Variants in MAP3K1 observed in about 807,000 individuals in gnomAD.
MAP3K1 encodes the protein MAP/ERK kinase kinase 1.
Under a neutral mutation model 144.2 loss-of-function variants are expected in MAP3K1, and 36 were observed. The observed-to-expected ratio is 0.25, with a 90% CI of 0.19 to 0.33. The LOEUF is 0.33. MAP3K1 is among the 10% of genes least tolerant of loss of function. MAP3K1 has a pLI of 1.00. For synonymous variants in MAP3K1, 718 were observed against 688.7 expected (o/e 1.04, Z -0.67); for missense variants, 1,650 against 1,881.9 (o/e 0.88, Z 2.28).
At chr5:56,857,690 T>C (rs1324063141) in intron 2 of MAP3K1, among the ~76,000 whole-genome samples, 3 of 152,226 alleles carry the variant, frequency 2.0e-5, no homozygotes, top group Non-Finnish European at 4.4e-5. Flanking sequence ...AGTAACCACA[T>C]GTGGCCAATG....
At chr5:56,819,367 G>A (rs748957656) in intron 1 of MAP3K1, among the ~76,000 whole-genome samples, 2 of 152,232 alleles carry the variant, frequency 1.3e-5, no homozygotes, top group Non-Finnish European at 1.5e-5. Context: ...TTTAGAAATG[G>A]CCACTGACTT....
chr5:56,843,696 C>G (rs556553975), intron 1 of MAP3K1, among the ~76,000 whole-genome samples: 1 of 152,274 alleles, frequency 6.6e-6, no homozygotes, highest in Admixed American at 6.5e-5. Context: ...GCCCCCTTCT[C>G]TTAGGGTGGG....
At chr5:56,845,030 C>T (rs1438171102) in intron 1 of MAP3K1, among the ~76,000 whole-genome samples, 10 of 152,162 alleles carry the variant, frequency 6.6e-5, no homozygotes, top group South Asian at 4.1e-4. Context: ...TATGCTAATT[C>T]GGGGTTATCC....
Position 56,820,845 on chromosome 5 carries a change from A to G in MAP3K1, c.482+4790A>G, listed in dbSNP as rs528375895. The G allele has an allele frequency of 3.1e-5, 30 of 965,066 alleles. No homozygotes were observed. The African/African-American group carries it at 3.7e-4, about 12-fold the overall frequency. The allele number at this position is 965,066 out of a possible 1,614,324, so 59.8% of individuals were successfully genotyped here. On this transcript the variant is annotated intron_variant, in intron 1 of 19. Coordinates refer to ENST00000399503, the MANE Select transcript of MAP3K1 (RefSeq NM_005921.2). ...GGTTGTAGTATGAACATGTTTCACA[A>G]TACCGTGTTAAGTGCTATAAGAGAG...
At chr5:56,889,684 A>G (rs1342852769) in intron 19 of MAP3K1, among the ~76,000 whole-genome samples, 3 of 152,210 alleles carry the variant, frequency 2.0e-5, no homozygotes, top group Non-Finnish European at 4.4e-5. Flanking sequence ...CTTAATGGCC[A>G]TGTAATCATA....
chr5:56,840,519 AATATTTTAGCAAT>A (rs1490287291), intron 1 of MAP3K1, among the ~76,000 whole-genome samples: 1 of 152,220 alleles, frequency 6.6e-6, no homozygotes, highest in Admixed American at 6.5e-5. Flanking sequence ...AAAACTTGTA[AATATTTTAGCAAT>A]AACTGTGTTT....
At chr5:56,866,048 C>G in intron 6 of MAP3K1, 71 bp downstream of exon 6, 1 of 1,182,914 alleles carries the variant, frequency 8.5e-7, no homozygotes, top group South Asian at 1.2e-5. Context: ...TTTTTTATAT[C>G]TACTTGTTAA....
chr5:56,884,429 CTA>C (rs1470201146), intron 15 of MAP3K1, among the ~76,000 whole-genome samples: 33 of 152,290 alleles, frequency 2.2e-4, no homozygotes, highest in African/African-American at 7.7e-4. Flanking sequence ...TACTCTGAGA[CTA>C]TTGGAATATT....
intron 1 of MAP3K1, chr5:56,820,758 A>G (rs1746130133): frequency 4.1e-6 from 4 of 985,434 alleles, no homozygotes; most frequent in Non-Finnish European, 4.8e-6. Flanking sequence ...GAACTTCTGC[A>G]AGGTGGTGGT....
chr5:56,858,186 A>G (rs1579751958), intron 2 of MAP3K1, among the ~76,000 whole-genome samples: 1 of 152,260 alleles, frequency 6.6e-6, no homozygotes, highest in African/African-American at 2.4e-5. Flanking sequence ...AAGCAGAGCC[A>G]TCTGAAGTTT....
chr5:56,852,132 A>G (rs2111848508), intron 1 of MAP3K1: 2 of 151,960 alleles, frequency 1.3e-5, no homozygotes, highest in Middle Eastern at 6.8e-3. Flanking sequence ...ATATCATGGT[A>G]TATTTATGAA....
At chr5:56,887,804 A>G (rs1034662489) in intron 18 of MAP3K1, 16 of 480,178 alleles carry the variant, frequency 3.3e-5, no homozygotes, top group African/African-American at 2.7e-4. Context: ...CTCAAAGTGC[A>G]CATAAGAAAT....
intron 1 of MAP3K1, among the ~76,000 whole-genome samples, chr5:56,834,907 A>G (rs1265144767): frequency 2.0e-5 from 3 of 152,124 alleles, no homozygotes; most frequent in Non-Finnish European, 4.4e-5. Context: ...AATTTTAGAT[A>G]TTATTATAAT....
In MAP3K1 at chr5:56,864,949, C is replaced by T. The variant is rs747105154; in HGVS notation, c.1035+15C>T. ...TTGGGCCTCAGGTAGGATTCGTCAC[C>T]ATTTTATACTTTATTAGTAGTAGTA... On this transcript the variant is annotated intron_variant, in intron 4 of 19. Coordinates refer to ENST00000399503, the MANE Select transcript of MAP3K1 (RefSeq NM_005921.2). 3.1e-6 allele frequency: 5 copies of T among 1,611,836 alleles called. No individual in the cohort carries two copies. Among genetic ancestry groups the T allele is most frequent in the Admixed American group, 1.7e-5 (1 of 60,002 alleles).
At chr5:56,869,616 A>T (rs979687878) in intron 6 of MAP3K1, among the ~76,000 whole-genome samples, 1 of 152,196 alleles carries the variant, frequency 6.6e-6, no homozygotes, top group Admixed American at 6.5e-5. Context: ...CTTGGAAAAA[A>T]GATGGGCAGG....
At chr5:56,816,198 C>A (rs554425366) in intron 1 of MAP3K1, 143 bp downstream of exon 1, 10 of 835,812 alleles carry the variant, frequency 1.2e-5, no homozygotes, top group Non-Finnish European at 1.4e-5. Flanking sequence ...CCCCTGAGCA[C>A]CCCCCGACCC....
intron 6 of MAP3K1, among the ~76,000 whole-genome samples, chr5:56,867,289 G>A (rs1488985966): frequency 6.6e-6 from 1 of 152,088 alleles, no homozygotes; most frequent in Admixed American, 6.5e-5. Flanking sequence ...AGTTATCTTG[G>A]TTACTGAGAT....
chr5:56,857,681 G>A (rs1177824265), intron 2 of MAP3K1, among the ~76,000 whole-genome samples: 1 of 152,136 alleles, frequency 6.6e-6, no homozygotes, highest in African/African-American at 2.4e-5. Flanking sequence ...CAAATGCTCA[G>A]TAACCACATG....
rs1004954613 is a variant in MAP3K1, at chr5:56,886,201, C to T, written c.4114+138C>T. 2.6e-4 allele frequency: 172 copies of T among 665,470 alleles called. 2 individuals are homozygous for T. The highest frequency in any genetic ancestry group is 2.1e-3 in the African/African-American group (114 of 55,096). 41.2% of individuals were successfully genotyped at this position (665,470 alleles called of 1,614,324 possible). A position where few individuals can be genotyped will look rare whatever the true frequency, so the allele number is the denominator to read the frequency against. On this transcript the variant is annotated intron_variant, in intron 17 of 19. Transcript: ENST00000399503. Reference sequence around the variant, plus strand: ...GGTGGATCACTTGAGGTCAGGAGCTCGAGACCAGCCAGGCCAACATGGTGA... The same window carrying T: ...GGTGGATCACTTGAGGTCAGGAGCTTGAGACCAGCCAGGCCAACATGGTGA...
Sources: allele counts gnomAD v4.1 joint callset (sites outside exome capture counted in the v4.1 genomes callset), GRCh38; gene constraint gnomAD v4.1.1; transcripts MANE v1.5; gene names NCBI Gene and HGNC (gene_info 2026-07-23, HGNC 2026-07-21).